FOXO3B: variants seen among roughly 807,000 people sequenced by gnomAD.
FOXO3B encodes the protein forkhead box O3B, also known as forkhead box protein O3B.
A neutral mutation model predicts 21.9 loss-of-function variants in FOXO3B; 15 were observed. The ratio of observed to expected loss-of-function variants is 0.68; its 90% confidence interval spans 0.46 to 1.05. The LOEUF (loss-of-function observed/expected upper bound fraction) is 1.05, where lower values mean the gene tolerates loss of function less well. FOXO3B is among the 50% of genes least tolerant of loss of function. FOXO3B has a pLI of 0.00. For missense variants in FOXO3B, 293 were observed against 435.5 expected (o/e 0.67, Z 2.91); for synonymous variants, 135 against 213.6 (o/e 0.63, Z 3.21).
At chr17:18,675,157 T>C (rs766790734) in intron 3 of FOXO3B, among the ~76,000 whole-genome samples, 1 of 148,996 alleles carries the variant, frequency 6.7e-6, no homozygotes, top group African/African-American at 2.5e-5. Flanking sequence ...TAATTCCAAA[T>C]GGATTAAGAA....
chr17:18,677,529 CG>C, intron 3 of FOXO3B: 1 of 1,611,684 alleles, frequency 6.2e-7, no homozygotes, highest in South Asian at 1.1e-5. Context: ...GTATGCGGCT[CG>C]GGCCCGTCTG....
At position 18,672,631 on chromosome 17, in the gene FOXO3B, C is replaced by T. The variant is rs1300220799; in HGVS notation, c.551G>A (p.Arg184Gln). 34 of 1,458,252 alleles carry T rather than the reference C, an allele frequency of 2.3e-5. No individual in the cohort carries two copies. The highest frequency in any genetic ancestry group is 7.8e-5 in the East Asian group (3 of 38,670). 90.3% of individuals were successfully genotyped at this position (1,458,252 alleles called of 1,614,324 possible). A position where few individuals can be genotyped will look rare whatever the true frequency, so the allele number is the denominator to read the frequency against. The change falls in exon 4 of 4, where the codon CGG becomes CAG. Residue 184 changes from arginine to glutamine, a missense_variant. By Grantham distance (43) the Arg-to-Gln change is conservative. Transcript: ENST00000395675. This position sits in a 1 kb window ranked among gnomAD's most constrained non-coding sequence, Gnocchi z 4.2. ...VSGLLLEDSV[R>Q]VLAPGGQDPG... is the part of the protein sequence containing the mutation. ...GTCTTGCCCTCCGGGTGCCAGCACC[C>T]GGACCGAGTCCTCAAGGAGCAGCCC... is the stretch of plus-strand genomic sequence containing the variant.
chr17:18,680,740 C>A lies in FOXO3B; in HGVS notation c.126+1G>T. On this transcript the variant is annotated splice_donor_variant, in intron 3 of 3. Coordinates refer to ENST00000395675, the MANE Select transcript of FOXO3B (RefSeq NM_001368135.1). LOFTEE classifies it high-confidence loss of function. Reference sequence around the variant, plus strand: ...TTCCAATAATCAGCAGACTCACTCACCTGGGATCTGGCCGTGAGGCGCAGA... The same window carrying A: ...TTCCAATAATCAGCAGACTCACTCAACTGGGATCTGGCCGTGAGGCGCAGA... The A allele has an allele frequency of 6.2e-7, 1 of 1,614,022 alleles. No homozygotes were observed.
intron 3 of FOXO3B, chr17:18,677,214 A>G: frequency 4.1e-6 from 6 of 1,471,870 alleles, no homozygotes; most frequent in Non-Finnish European, 5.6e-6. Flanking sequence ...ACCAACAGTG[A>G]GTATGTATCT....
At chr17:18,676,927 T>C (rs2032496315) in intron 3 of FOXO3B, among the ~76,000 whole-genome samples, 1 of 152,256 alleles carries the variant, frequency 6.6e-6, no homozygotes, top group African/African-American at 2.4e-5. Context: ...GGTCTCAAAC[T>C]TCTGACCTCA....
intron 3 of FOXO3B, among the ~76,000 whole-genome samples, chr17:18,679,514 C>G (rs1356052348): frequency 2.7e-5 from 4 of 146,888 alleles, no homozygotes; most frequent in African/African-American, 5.3e-5. Context: ...GTAGCCCTAT[C>G]TGGGCTCACT....
intron 3 of FOXO3B, among the ~76,000 whole-genome samples, chr17:18,680,209 G>A (rs1226094475): frequency 2.0e-5 from 3 of 152,222 alleles, no homozygotes; most frequent in South Asian, 2.1e-4. Flanking sequence ...TAAGTTGCAG[G>A]CATGATCATA....
rs1597498737 is a variant in FOXO3B, at chr17:18,682,250, C to T, written c.-242G>A. 1 of 665,254 alleles carries T rather than the reference C, an allele frequency of 1.5e-6. No homozygotes were observed. The highest frequency in any genetic ancestry group is 1.8e-5 in the African/African-American group (1 of 55,234). The allele number at this position is 665,254 out of a possible 1,614,324, so 41.2% of individuals were successfully genotyped here. ...AGGGGACGAACTTCTTTGGCCAGCT[C>T]GGAGTCGCGCATGAGTAAGAAGGAG... is the stretch of plus-strand genomic sequence containing the variant. On this transcript the variant is annotated 5_prime_UTR_variant, in exon 1 of 4. Transcript: ENST00000395675.
intron 3 of FOXO3B, among the ~76,000 whole-genome samples, chr17:18,673,787 G>A (rs1597495555): frequency 1.3e-5 from 2 of 151,798 alleles, no homozygotes; most frequent in African/African-American, 2.4e-5. Context: ...TGAGAATGAA[G>A]TATATGAGGG....
intron 3 of FOXO3B, among the ~76,000 whole-genome samples, chr17:18,675,376 T>C (rs2032465206): frequency 6.6e-6 from 1 of 151,886 alleles, no homozygotes; most frequent in Non-Finnish European, 1.5e-5. Flanking sequence ...AAACCTCATA[T>C]ATAAGGACCT....
Position 18,672,606 on chromosome 17 carries a change from G to A in FOXO3B, c.576C>T (p.Asp192=), listed in dbSNP as rs2032392879. The part of the protein sequence containing the change: ...SVRVLAPGGQ[D]PGSGPATAAG... ...CCGCGGTGGCTGGCCCAGACCCGGG[G>A]TCTTGCCCTCCGGGTGCCAGCACCC... The change falls in exon 4 of 4, where the codon GAC becomes GAT. Residue 192 remains aspartate, a synonymous_variant. Transcript: ENST00000395675. The surrounding 1 kb of genome is among the most constrained non-coding windows in gnomAD (Gnocchi z 4.2). 1 of 1,437,864 alleles carries A rather than the reference G, an allele frequency of 7.0e-7. No homozygotes were observed. Among genetic ancestry groups the A allele is most frequent in the South Asian group, 1.5e-5 (1 of 67,682 alleles). 89.1% of individuals were successfully genotyped at this position (1,437,864 alleles called of 1,614,324 possible). A position where few individuals can be genotyped will look rare whatever the true frequency, so the allele number is the denominator to read the frequency against.
rs2032368353 is a variant in FOXO3B at position 18,671,720 on chromosome 17, C to T, written c.*589G>A. The stretch of plus-strand genomic sequence containing the variant: ...TCCGCTGCATGAGTCCCCCAGTGGG[C>T]GATGGCTGGGATGGCGGGAGCGTGA... On this transcript the variant is annotated 3_prime_UTR_variant, in exon 4 of 4. Coordinates refer to ENST00000395675, the MANE Select transcript of FOXO3B (RefSeq NM_001368135.1). The T allele has an allele frequency of 2.5e-6, 4 of 1,613,712 alleles. No homozygotes were observed. Among genetic ancestry groups the T allele is most frequent in the Admixed American group, 3.3e-5 (2 of 59,990 alleles).
Position 18,671,596 on chromosome 17 carries a change from G to T in FOXO3B, c.*713C>A, listed in dbSNP as rs1305173646. On this transcript the variant is annotated 3_prime_UTR_variant, in exon 4 of 4. Transcript: ENST00000395675. The stretch of plus-strand genomic sequence containing the variant: ...TGGATGGTCTGCATGGGAGACTGGC[G>T]TAGGGAGTTCAGAGATGAAGGTCCA... 2.5e-6 allele frequency: 4 copies of T among 1,613,594 alleles called. No homozygotes were observed. The highest frequency in any genetic ancestry group is 4.5e-5 in the East Asian group (2 of 44,864).
intron 3 of FOXO3B, among the ~76,000 whole-genome samples, chr17:18,679,403 G>A (rs2032545170): frequency 6.7e-6 from 1 of 149,946 alleles, no homozygotes; most frequent in African/African-American, 2.5e-5. Context: ...GAATCTCTGG[G>A]TTGTGGTATG....
chr17:18,672,302 A>T lies in FOXO3B; in HGVS notation c.*7T>A. On this transcript the variant is annotated 3_prime_UTR_variant, in exon 4 of 4. Transcript: ENST00000395675. The surrounding 1 kb of genome is among the most constrained non-coding windows in gnomAD (Gnocchi z 4.2). ...TGCAGTGACAGGTTGTGCCGGATGG[A>T]GTTCTTCTAGCCGGCAGAGCTGTTG... 2.5e-6 allele frequency: 4 copies of T among 1,612,250 alleles called. No homozygotes were observed. The Middle Eastern group carries it at 5.0e-4, about 200-fold the overall frequency.
rs754193586 is a variant in FOXO3B at position 18,671,735 on chromosome 17, C to T, written c.*574G>A. ...CCCCAGTGGGCGATGGCTGGGATGG[C>T]GGGAGCGTGATGTTATCCAGCAGGT... On this transcript the variant is annotated 3_prime_UTR_variant, in exon 4 of 4. Coordinates refer to ENST00000395675, the MANE Select transcript of FOXO3B (RefSeq NM_001368135.1). The T allele has an allele frequency of 1.3e-3, 2,162 of 1,613,584 alleles. 2 individuals carry two copies. Among genetic ancestry groups the T allele is most frequent in the Non-Finnish European group, 1.8e-3 (2,096 of 1,179,922 alleles).
rs114708093 is a variant in FOXO3B, at chr17:18,670,586, C to G, written c.*1723G>C. 8.8e-3 allele frequency among the ~76,000 whole-genome samples: 1,339 copies of G among 152,348 alleles called. 19 individuals are homozygous for G. Among genetic ancestry groups the G allele is most frequent in the African/African-American group, 0.03 (1,255 of 41,574 alleles). ...AACACCACAGAATGGCCGAAGAGGG[C>G]TCACGGTGTGCTCTGAACGAGGGTG... On this transcript the variant is annotated 3_prime_UTR_variant, in exon 4 of 4. Coordinates refer to ENST00000395675, the MANE Select transcript of FOXO3B (RefSeq NM_001368135.1).
rs1442684077 is a variant in FOXO3B at position 18,670,120 on chromosome 17, G to A, written c.*2189C>T. Among the ~76,000 whole-genome samples the A allele has an allele frequency of 6.6e-6, 1 of 152,144 alleles. No individual in the cohort carries two copies. Among genetic ancestry groups the A allele is most frequent in the Admixed American group, 6.5e-5 (1 of 15,272 alleles). On this transcript the variant is annotated 3_prime_UTR_variant, in exon 4 of 4. Coordinates refer to ENST00000395675, the MANE Select transcript of FOXO3B (RefSeq NM_001368135.1). ...CACAGGCCCTACTGATCTGGCACCC[G>A]TAGACCTGGTGCTGGGGTCCCGTCC...
rs1567890276 is a variant in FOXO3B at position 18,673,077 on chromosome 17, G to A, written c.127-22C>T. On this transcript the variant is annotated intron_variant, in intron 3 of 3. Coordinates refer to ENST00000395675, the MANE Select transcript of FOXO3B (RefSeq NM_001368135.1). ...CCGCCTGGGGAAGCACGAGAGAAGA[G>A]AGAAGGAGAGTTGGTTATCCCCGGC... 2.0e-6 allele frequency: 3 copies of A among 1,463,732 alleles called. No homozygotes were observed. The Admixed American group carries it at 7.1e-5, about 35-fold the overall frequency. The allele number at this position is 1,463,732 out of a possible 1,614,324, so 90.7% of individuals were successfully genotyped here. A position where few individuals can be genotyped will look rare whatever the true frequency, so the allele number is the denominator to read the frequency against.
Sources: gnomAD v4.1 joint callset for allele counts (sites outside exome capture counted in the v4.1 genomes callset) on GRCh38, gnomAD v4.1.1 for gene constraint, Gnocchi (gnomAD v3.1) non-coding constraint, MANE v1.5 for transcripts, NCBI Gene and HGNC (gene_info 2026-07-23, HGNC 2026-07-21) for gene names.